HNRNPF: variants seen among roughly 807,000 people sequenced by gnomAD.
HNRNPF encodes HnRNP F protein.
A neutral mutation model predicts 26.0 loss-of-function variants in HNRNPF; 2 were observed. The ratio of observed to expected loss-of-function variants is 0.08; its 90% CI spans 0.03 to 0.24. HNRNPF has a LOEUF of 0.24. Among genes scored for constraint, HNRNPF ranks in the 10% least tolerant of loss-of-function variants. HNRNPF has a pLI of 1.00. For synonymous variants in HNRNPF, 234 were observed against 211.5 expected (o/e 1.11, Z -0.92); for missense variants, 299 against 539.2 (o/e 0.55, Z 4.41).
chr10:43,405,132 T>C (rs1375244232), intron 1 of HNRNPF, among the ~76,000 whole-genome samples: 1 of 152,208 alleles, frequency 6.6e-6, no homozygotes, highest in East Asian at 1.9e-4. Flanking sequence ...GTCAAGATCA[T>C]GGAGAAATGA....
chr10:43,408,710 CTT>C (rs1275539273), intron 1 of HNRNPF: 2 of 152,198 alleles, frequency 1.3e-5, no homozygotes, highest in Non-Finnish European at 2.9e-5. Flanking sequence ...ACCTCGGAGA[CTT>C]CGGCCGCCCC....
rs774478300 is a variant in HNRNPF at position 43,387,148 on chromosome 10, T to A, written c.737A>T (p.Tyr246Phe). 5.6e-6 allele frequency: 9 copies of A among 1,614,034 alleles called. No homozygotes were observed. The African/African-American group carries it at 1.1e-4, about 19-fold the overall frequency. The change falls in exon 4 of 4, where the codon TAC becomes TTC. Residue 246 changes from tyrosine to phenylalanine, a missense_variant. This residue lies in a region of HNRNPF where 74 missense variants were observed against 77.7 expected (regional missense o/e 0.95). Transcript: ENST00000682386. This position sits in a 1 kb window ranked among gnomAD's most constrained non-coding sequence, Gnocchi z 6.0. ...YSTGYGGYEE[Y>F]SGLSDGYGFT... The stretch of plus-strand genomic sequence containing the variant: ...GCCGTAGCCATCACTGAGGCCACTG[T>A]ACTCCTCGTAGCCCCCGTAGCCTGT...
At chr10:43,395,922 G>C (rs1028794477) in intron 2 of HNRNPF, among the ~76,000 whole-genome samples, 47 of 152,266 alleles carry the variant, frequency 3.1e-4, no homozygotes, top group African/African-American at 1.1e-3. Flanking sequence ...GGAAGAGTCT[G>C]GTCTCCCCGT....
At chr10:43,401,220 CATCT>C (rs1423802350) in intron 1 of HNRNPF, among the ~76,000 whole-genome samples, 1 of 152,218 alleles carries the variant, frequency 6.6e-6, no homozygotes, top group African/African-American at 2.4e-5. Context: ...TTTCCATTAC[CATCT>C]ATCAGGTCCT....
intron 1 of HNRNPF, among the ~76,000 whole-genome samples, chr10:43,405,698 G>T (rs1375635259): frequency 1.3e-5 from 2 of 152,030 alleles, no homozygotes; most frequent in Non-Finnish European, 2.9e-5. Flanking sequence ...TTAAACCCTG[G>T]ATACTTGATA....
At chr10:43,395,913 G>T (rs1187594894) in intron 2 of HNRNPF, among the ~76,000 whole-genome samples, 1 of 152,178 alleles carries the variant, frequency 6.6e-6, no homozygotes, top group Admixed American at 6.5e-5. Context: ...GCACGCAGAG[G>T]AAGAGTCTGG....
chr10:43,396,892 G>GGGGAAGGGGA (rs1328300019), intron 1 of HNRNPF: 1 of 104,552 alleles, frequency 9.6e-6, no homozygotes, highest in Non-Finnish European at 1.9e-5. Context: ...CCTCGCGGGA[G>GGGGAAGGGGA]GGGGAGGGGA....
chr10:43,402,200 C>T (rs1034640173), intron 1 of HNRNPF, among the ~76,000 whole-genome samples: 64 of 151,650 alleles, frequency 4.2e-4, no homozygotes, highest in African/African-American at 1.5e-3. Context: ...GAAAGGAAAA[C>T]GAAGTAGAAT....
rs1329660392 is a variant in HNRNPF, at chr10:43,386,895, T to C, written c.990A>G (p.Glu330=). ...CATGAGTAGCAAACTCAACATCTGC[T>C]TCACCCGTCACTCTTCCATCTGGGC... ...EIGPDGRVTG[E]ADVEFATHEE... is the part of the protein sequence containing the mutation. Residue 330 remains glutamate (E), a synonymous_variant, in exon 4 of 4, where the codon GAA becomes GAG. Transcript: ENST00000682386. 1 of 1,614,044 alleles carries C rather than the reference T, an allele frequency of 6.2e-7. No individual in the cohort carries two copies. The highest frequency in any genetic ancestry group is 8.5e-7 in the Non-Finnish European group (1 of 1,180,022).
At chr10:43,399,637 G>T (rs1388617726) in intron 1 of HNRNPF, among the ~76,000 whole-genome samples, 2 of 152,190 alleles carry the variant, frequency 1.3e-5, no homozygotes, top group Non-Finnish European at 2.9e-5. Context: ...AAAATGAATG[G>T]TGGGAAGAGA....
chr10:43,388,780 C>G lies in HNRNPF; in HGVS notation c.-52-844G>C, dbSNP rs561878283. On this transcript the variant is annotated intron_variant, in intron 3 of 3. Transcript: ENST00000682386. ...TGGTACATGGCACCTGAAGTCCAAACTCAGAGTAAGGCCAACCACACACTG... is the reference window on the plus strand; with the variant it reads ...TGGTACATGGCACCTGAAGTCCAAAGTCAGAGTAAGGCCAACCACACACTG... Among the ~76,000 whole-genome samples, 399 of 152,282 alleles carry G rather than the reference C, an allele frequency of 2.6e-3. 3 individuals carry two copies. Among genetic ancestry groups the G allele is most frequent in the Non-Finnish European group, 4.4e-3 (301 of 68,030 alleles).
Position 43,387,038 on chromosome 10 carries a change from C to T in HNRNPF, c.847G>A (p.Val283Met). ...ACACAGTGGCCTGTGGTGCTCTGCA[C>T]TGTGAACTCACTGTCGCCGTATCTG... is the stretch of plus-strand genomic sequence containing the variant. ...DHRYGDSEFT[V>M]QSTTGHCVHM... is the part of the protein sequence containing the mutation. The change falls in exon 4 of 4, where the codon GTG becomes ATG. Residue 283 changes from valine to methionine, a missense_variant. Around this residue, in one of 6 missense-constraint regions of HNRNPF, gnomAD observed 74 missense variants for 77.7 expected, o/e 0.95. Coordinates refer to ENST00000682386, the MANE Select transcript of HNRNPF (RefSeq NM_001098204.2). The surrounding 1 kb of genome is among the most constrained non-coding windows in gnomAD (Gnocchi z 6.0). The T allele has an allele frequency of 6.2e-7, 1 of 1,613,464 alleles. No individual in the cohort carries two copies. Among genetic ancestry groups the T allele is most frequent in the South Asian group, 1.1e-5 (1 of 91,070 alleles).
intron 1 of HNRNPF, among the ~76,000 whole-genome samples, chr10:43,408,115 G>A (rs902530398): frequency 2.0e-5 from 3 of 152,040 alleles, no homozygotes; most frequent in Non-Finnish European, 4.4e-5. Context: ...TTTCAGTAGA[G>A]ACAGTCTATG....
At position 43,386,677 on chromosome 10, in the gene HNRNPF, G is replaced by A. The variant is rs1260557900; in HGVS notation, c.1208C>T (p.Ala403Val). The change falls in exon 4 of 4, where the codon GCC (alanine) becomes GTC (valine). Residue 403 changes from alanine (A) to valine (V), a missense_variant. Coordinates refer to ENST00000682386, the MANE Select transcript of HNRNPF (RefSeq NM_001098204.2). ...ESQSVSGCYG[A>V]GYSGQNSMGG... ...CATGCTGTTCTGCCCACTGTAGCCGGCCCCGTAACAGCCACTCACTGACTG... is the reference window on the plus strand; with the variant it reads ...CATGCTGTTCTGCCCACTGTAGCCGACCCCGTAACAGCCACTCACTGACTG... The A allele has an allele frequency of 1.3e-6, 2 of 1,586,504 alleles. No homozygotes were observed. The highest frequency in any genetic ancestry group is 2.2e-5 in the East Asian group (1 of 44,758).
chr10:43,398,036 G>T (rs1429281279), intron 1 of HNRNPF, among the ~76,000 whole-genome samples: 5 of 151,856 alleles, frequency 3.3e-5, no homozygotes, highest in African/African-American at 1.2e-4. Flanking sequence ...TGTTTGGTTG[G>T]TTTTTTTTGA....
At chr10:43,407,370 C>T (rs1257205865) in intron 1 of HNRNPF, among the ~76,000 whole-genome samples, 1 of 152,116 alleles carries the variant, frequency 6.6e-6, no homozygotes, top group Non-Finnish European at 1.5e-5. Flanking sequence ...CCCGGGCCGC[C>T]CGCGGGCAAT....
At chr10:43,389,866 A>T (rs759686353) in intron 3 of HNRNPF, among the ~76,000 whole-genome samples, 4 of 152,206 alleles carry the variant, frequency 2.6e-5, no homozygotes, top group Non-Finnish European at 5.9e-5. Flanking sequence ...CCTAACCTGG[A>T]TTGCTCATTG....
At chr10:43,390,313 C>T (rs1838191567) in intron 3 of HNRNPF, among the ~76,000 whole-genome samples, 1 of 152,184 alleles carries the variant, frequency 6.6e-6, no homozygotes, top group East Asian at 1.9e-4. Context: ...GTCCTTTTGT[C>T]TTTGACCATA....
At chr10:43,408,000 C>G (rs2062829984) in intron 1 of HNRNPF, among the ~76,000 whole-genome samples, 1 of 152,240 alleles carries the variant, frequency 6.6e-6, no homozygotes, top group South Asian at 2.1e-4. Flanking sequence ...ATCACTGTCA[C>G]TGCAGCCTCG....
Sources: gnomAD v4.1 joint callset for allele counts (sites outside exome capture counted in the v4.1 genomes callset) on GRCh38, gnomAD v4.1.1 for gene constraint, gnomAD v4.1.1 regional missense constraint, Gnocchi (gnomAD v3.1) non-coding constraint, MANE v1.5 for transcripts, NCBI Gene and HGNC (gene_info 2026-07-23, HGNC 2026-07-21) for gene names.